Variants in GSR observed in about 807,000 individuals in gnomAD.
The protein encoded by GSR is glutathione reductase, mitochondrial.
A neutral mutation model predicts 56.5 loss-of-function variants in GSR; 48 were observed. That is an observed-to-expected ratio of 0.85 (90% CI 0.67 to 1.08). GSR has a LOEUF of 1.08. Ranked by LOEUF, GSR falls within the 50% of genes least tolerant of loss-of-function variation. The probability of loss-of-function intolerance (pLI) is 0.00; values close to 1 mark genes in which losing one functional copy is unlikely to be tolerated. For synonymous variants in GSR, 264 were observed against 270.8 expected (o/e 0.97, Z 0.25); for missense variants, 694 against 703.3 (o/e 0.99, Z 0.15).
At chr8:30,724,916 G>A (rs1288729852) in intron 1 of GSR, among the ~76,000 whole-genome samples, 3 of 152,180 alleles carry the variant, frequency 2.0e-5, no homozygotes, top group Admixed American at 6.6e-5. Flanking sequence ...CAGGAGTAGA[G>A]GAGATAAGGC....
chr8:30,717,432 C>G lies in GSR; in HGVS notation c.307-5344G>C, dbSNP rs185660200. Reference sequence around the variant, plus strand: ...TCAGGGCTCCCTGACCGCCAGGTGCCTATTAGGAACCAGGCTGCAGCAGGA... The same window carrying G: ...TCAGGGCTCCCTGACCGCCAGGTGCGTATTAGGAACCAGGCTGCAGCAGGA... On this transcript the variant is annotated intron_variant, in intron 1 of 12. Transcript: ENST00000221130. Among the ~76,000 whole-genome samples the G allele has an allele frequency of 3.2e-3, 488 of 151,888 alleles. 3 individuals are homozygous for G. The highest frequency in any genetic ancestry group is 0.011 in the African/African-American group (467 of 41,406).
chr8:30,706,577 A>C (rs914937397), intron 4 of GSR, among the ~76,000 whole-genome samples: 28 of 152,196 alleles, frequency 1.8e-4, no homozygotes, highest in Admixed American at 1.8e-3. Context: ...CCACAAAGAC[A>C]AATGAAGGGT....
chr8:30,697,001 G>A (rs1803564735), intron 6 of GSR, among the ~76,000 whole-genome samples: 1 of 151,786 alleles, frequency 6.6e-6, no homozygotes, highest in African/African-American at 2.4e-5. Context: ...GCCTAGCCCA[G>A]TTTTTCTATT....
At chr8:30,704,076 G>C (rs1803840323) in intron 4 of GSR, among the ~76,000 whole-genome samples, 1 of 151,988 alleles carries the variant, frequency 6.6e-6, no homozygotes, top group African/African-American at 2.4e-5. Context: ...TGTAATTCCA[G>C]CACTTTGGAA....
At chr8:30,716,708 G>A (rs1804344884) in intron 1 of GSR, among the ~76,000 whole-genome samples, 1 of 152,190 alleles carries the variant, frequency 6.6e-6, no homozygotes, top group African/African-American at 2.4e-5. Context: ...TGGGGAGGCT[G>A]AGGCAGGAGA....
In GSR at chr8:30,679,651, G is replaced by T. The variant is rs757671437; in HGVS notation, c.1438C>A (p.Gln480Lys). ...AGCATTTCATCACACCCAAGTCCCT[G>T]CATATGGATCCCAACCACCTGGGAA... Reference protein sequence around the residue: ...KEEKVVGIHMQGLGCDEMLQG... With the variant: ...KEEKVVGIHMKGLGCDEMLQG... The change falls in exon 13 of 13, where the codon CAG becomes AAG. Residue 480 changes from glutamine to lysine, a missense_variant. Gln to Lys is a moderately conservative substitution (Grantham distance 53). Transcript: ENST00000221130. 2 of 1,613,164 alleles carry T rather than the reference G, an allele frequency of 1.2e-6. No homozygotes were observed. The highest frequency in any genetic ancestry group is 1.7e-6 in the Non-Finnish European group (2 of 1,179,714).
intron 8 of GSR, among the ~76,000 whole-genome samples, chr8:30,692,065 T>C (rs1803397924): frequency 6.8e-6 from 1 of 148,038 alleles, no homozygotes; most frequent in Non-Finnish European, 1.5e-5. Flanking sequence ...ATTGCACCAA[T>C]GCACTCCAGC....
chr8:30,710,768 A>AAAAAAAAAT (rs1804113533), intron 2 of GSR, among the ~76,000 whole-genome samples: 1 of 129,952 alleles, frequency 7.7e-6, no homozygotes, highest in Non-Finnish European at 1.6e-5. Context: ...AAGAAAAAAA[A>AAAAAAAAAT]ATATATAAAT....
chr8:30,703,390 A>G lies in GSR; in HGVS notation c.493-150T>C, dbSNP rs1268540371. 3 of 800,242 alleles carry G rather than the reference A, an allele frequency of 3.7e-6. No homozygotes were observed. The African/African-American group carries it at 5.1e-5, about 14-fold the overall frequency. 49.6% of individuals were successfully genotyped at this position (800,242 alleles called of 1,614,324 possible). ...TTCTCCGTTTTTCAAGTTTCTGTAGAACTTCTAACTGGCAACCTATACTTA... is the reference window on the plus strand; with the variant it reads ...TTCTCCGTTTTTCAAGTTTCTGTAGGACTTCTAACTGGCAACCTATACTTA... On this transcript the variant is annotated intron_variant, in intron 4 of 12. Coordinates refer to ENST00000221130, the MANE Select transcript of GSR (RefSeq NM_000637.5).
At chr8:30,711,329 C>A (rs1326154133) in intron 2 of GSR, among the ~76,000 whole-genome samples, 1 of 152,134 alleles carries the variant, frequency 6.6e-6, no homozygotes, top group Admixed American at 6.6e-5. Context: ...GGCAGCTTTA[C>A]AAATAAGAGC....
chr8:30,721,849 C>T (rs1265313405), intron 1 of GSR, among the ~76,000 whole-genome samples: 1 of 150,730 alleles, frequency 6.6e-6, no homozygotes, highest in African/African-American at 2.4e-5. Context: ...GGTGAAACCT[C>T]GTCTCTACAA....
intron 10 of GSR, 60 bp from the exon 11 acceptor site, chr8:30,682,121 G>A (rs1802982179): frequency 7.3e-7 from 1 of 1,373,312 alleles, no homozygotes; most frequent in Non-Finnish European, 1.0e-6. Flanking sequence ...TAGCTAAATT[G>A]TTCCACTAGC....
intron 5 of GSR, among the ~76,000 whole-genome samples, chr8:30,702,180 C>T (rs1466292988): frequency 6.6e-6 from 1 of 151,926 alleles, no homozygotes; most frequent in South Asian, 2.1e-4. Context: ...ATTAGCTGGG[C>T]GTGGTGGCGG....
At position 30,679,660 on chromosome 8, in the gene GSR, T is replaced by G. The variant is rs750774001; in HGVS notation, c.1429A>C (p.Ile477Leu). The stretch of plus-strand genomic sequence containing the variant: ...TCACACCCAAGTCCCTGCATATGGA[T>G]CCCAACCACCTGGGAAAAGAAGAGA... ...CANKEEKVVG[I>L]HMQGLGCDEM... is the part of the protein sequence containing the mutation. The change falls in exon 13 of 13, where the codon ATC (isoleucine) becomes CTC (leucine). Residue 477 changes from isoleucine to leucine, a missense_variant. Coordinates refer to ENST00000221130, the MANE Select transcript of GSR (RefSeq NM_000637.5). 5.0e-6 allele frequency: 8 copies of G among 1,613,078 alleles called. No homozygotes were observed. Among genetic ancestry groups the G allele is most frequent in the Middle Eastern group, 1.6e-4 (1 of 6,068 alleles).
rs1803443636 is a variant in GSR, at chr8:30,693,118, A to C, written c.796-63T>G. ...GAAAACTTGAGCAAAGACACACCAC[A>C]AACTTGGGAGGGAAACTTCAGCATT... On this transcript the variant is annotated intron_variant, in intron 7 of 12. Coordinates refer to ENST00000221130, the MANE Select transcript of GSR (RefSeq NM_000637.5). The C allele has an allele frequency of 4.0e-6, 4 of 1,003,170 alleles. No homozygotes were observed. In the Admixed American group the frequency reaches 5.2e-5, roughly 13 times the overall value. The allele number at this position is 1,003,170 out of a possible 1,614,324, so 62.1% of individuals were successfully genotyped here.
At chr8:30,706,109 G>C (rs1360216572) in intron 4 of GSR, among the ~76,000 whole-genome samples, 1 of 151,678 alleles carries the variant, frequency 6.6e-6, no homozygotes, top group Non-Finnish European at 1.5e-5. Flanking sequence ...CTGGGAGGTC[G>C]AGGCTGTAGT....
At chr8:30,690,048 TAAATATACATATAAATA>T (rs2128740299) in intron 8 of GSR, among the ~76,000 whole-genome samples, 1 of 140,672 alleles carries the variant, frequency 7.1e-6, no homozygotes, top group South Asian at 2.1e-4. Context: ...ATATTATATA[TAAATATACATATAAATA>T]AAATATACAT....
chr8:30,682,222 G>C (rs1343672489), intron 10 of GSR, among the ~76,000 whole-genome samples, 161 bp from the exon 11 acceptor site: 1 of 152,168 alleles, frequency 6.6e-6, no homozygotes, highest in African/African-American at 2.4e-5. Context: ...GCGAAGATAT[G>C]TCATGCCTCA....
At chr8:30,697,026 T>C (rs920056796) in intron 6 of GSR, among the ~76,000 whole-genome samples, 2 of 151,838 alleles carry the variant, frequency 1.3e-5, no homozygotes, top group South Asian at 4.2e-4. Context: ...TTTTTTTTTT[T>C]CTGTTCCAAG....
Sources: allele counts gnomAD v4.1 joint callset (sites outside exome capture counted in the v4.1 genomes callset), GRCh38; gene constraint gnomAD v4.1.1; transcripts MANE v1.5; gene names NCBI Gene and HGNC (gene_info 2026-07-23, HGNC 2026-07-21).